The following FBXL7 variants were observed in gnomAD, a reference collection of about 807,000 sequenced individuals.
FBXL7 encodes the protein F-box/LRR-repeat protein 7.
FBXL7 carries 12 observed loss-of-function variants against 38.3 expected under a neutral mutation model. The observed-to-expected ratio is 0.31, with a 90% CI of 0.20 to 0.51. FBXL7 has a LOEUF of 0.51. Among genes scored for constraint, FBXL7 ranks in the 20% least tolerant of loss-of-function variants. FBXL7 has a pLI of 0.98. For synonymous variants in FBXL7, 297 were observed against 300.9 expected (o/e 0.99, Z 0.13); for missense variants, 567 against 676.4 (o/e 0.84, Z 1.79).
rs556962838 is a variant in FBXL7 at position 15,799,037 on chromosome 5, C to T, written c.128-128853C>T. On this transcript the variant is annotated intron_variant, in intron 2 of 3. Transcript: ENST00000504595. The stretch of plus-strand genomic sequence containing the variant: ...ACACATTTTTCTATGTACTGACAAC[C>T]AAGAAATAAGTTGTAAATGGGTGGC... 2.4e-4 allele frequency among the ~76,000 whole-genome samples: 37 copies of T among 152,270 alleles called. 1 individual carries two copies. In the South Asian group the frequency reaches 7.7e-3, roughly 32 times the overall value.
rs114221872 is a variant in FBXL7 at position 15,582,732 on chromosome 5, A to G, written c.38-33251A>G. Among the ~76,000 whole-genome samples the G allele has an allele frequency of 3.7e-3, 557 of 152,358 alleles. 2 individuals carry two copies. Among genetic ancestry groups the G allele is most frequent in the Non-Finnish European group, 6.0e-3 (410 of 68,034 alleles). On this transcript the variant is annotated intron_variant, in intron 1 of 3. Coordinates refer to ENST00000504595, the MANE Select transcript of FBXL7 (RefSeq NM_012304.5). Reference sequence around the variant, plus strand: ...GAAAGACTCTGCTGCGTTTACATTCAATACATGATGTGCAATTGCCCTTCA... The same window carrying G: ...GAAAGACTCTGCTGCGTTTACATTCGATACATGATGTGCAATTGCCCTTCA...
chr5:15,704,967 T>TAAAAAAA (rs5866158), intron 2 of FBXL7, among the ~76,000 whole-genome samples: 2 of 147,510 alleles, frequency 1.4e-5, no homozygotes, highest in South Asian at 4.2e-4. Flanking sequence ...ATGGGCTAGG[T>TAAAAAAA]AAAAAAAAAA....
At chr5:15,583,777 T>G (rs961237611) in intron 1 of FBXL7, among the ~76,000 whole-genome samples, 1 of 152,126 alleles carries the variant, frequency 6.6e-6, no homozygotes, top group Admixed American at 6.5e-5. Flanking sequence ...CTCTGGAGGA[T>G]GATGGTCCTC....
rs372843746 is a variant in FBXL7 at position 15,707,700 on chromosome 5, C to A, written c.127+91628C>A. On this transcript the variant is annotated intron_variant, in intron 2 of 3. Coordinates refer to ENST00000504595, the MANE Select transcript of FBXL7 (RefSeq NM_012304.5). The stretch of plus-strand genomic sequence containing the variant: ...GAATGTCCTGCAGAGGATAGGAGGG[C>A]AGGGTGCAAACCACAGGGAGGTTTT... 1.6e-4 allele frequency among the ~76,000 whole-genome samples: 25 copies of A among 152,322 alleles called. No individual in the cohort carries two copies. The East Asian group carries it at 3.3e-3, about 20-fold the overall frequency.
chr5:15,595,655 G>A (rs747598333), intron 1 of FBXL7, among the ~76,000 whole-genome samples: 43 of 152,090 alleles, frequency 2.8e-4, no homozygotes, highest in Non-Finnish European at 4.4e-4. Flanking sequence ...TAGAAAATCT[G>A]GGATACCATT....
At position 15,705,294 on chromosome 5, in the gene FBXL7, C is replaced by G. The variant is rs151008399; in HGVS notation, c.127+89222C>G. Among the ~76,000 whole-genome samples the G allele has an allele frequency of 2.3e-3, 354 of 152,288 alleles. 3 individuals are homozygous for G. The highest frequency in any genetic ancestry group is 8.2e-3 in the African/African-American group (339 of 41,552). ...TTGTTTACTGTTATATCCCTTTTGTCTACAACAGTGCTTGGCACGTAAGCA... is the reference window on the plus strand; with the variant it reads ...TTGTTTACTGTTATATCCCTTTTGTGTACAACAGTGCTTGGCACGTAAGCA... On this transcript the variant is annotated intron_variant, in intron 2 of 3. Coordinates refer to ENST00000504595, the MANE Select transcript of FBXL7 (RefSeq NM_012304.5).
At position 15,760,216 on chromosome 5, in the gene FBXL7, C is replaced by T. The variant is rs995592669; in HGVS notation, c.127+144144C>T. On this transcript the variant is annotated intron_variant, in intron 2 of 3. Transcript: ENST00000504595. ...TAAATTGTCTGGAGAGTTTTATACC[C>T]ATTGTGCACACCTACAAAGCATGCA... is the stretch of plus-strand genomic sequence containing the variant. Among the ~76,000 whole-genome samples the T allele has an allele frequency of 2.6e-5, 4 of 152,172 alleles. No individual in the cohort carries two copies. The East Asian group carries it at 7.7e-4, about 29-fold the overall frequency.
chr5:15,643,076 A>G (rs1276100017), intron 2 of FBXL7, among the ~76,000 whole-genome samples: 3 of 152,180 alleles, frequency 2.0e-5, no homozygotes, highest in African/African-American at 7.2e-5. Context: ...GCATAATGCC[A>G]TGAGCAGCCA....
intron 2 of FBXL7, among the ~76,000 whole-genome samples, chr5:15,853,665 G>A (rs1739168549): frequency 6.6e-6 from 1 of 152,176 alleles, no homozygotes; most frequent in African/African-American, 2.4e-5. Context: ...GTGGATGCAT[G>A]CTCTGACTTG....
chr5:15,671,166 T>G (rs1417078556), intron 2 of FBXL7, among the ~76,000 whole-genome samples: 2 of 152,200 alleles, frequency 1.3e-5, no homozygotes, highest in Non-Finnish European at 2.9e-5. Flanking sequence ...ACTTTTGTAG[T>G]GGGAAGAATG....
At chr5:15,863,185 G>T (rs1049408735) in intron 2 of FBXL7, among the ~76,000 whole-genome samples, 1 of 152,180 alleles carries the variant, frequency 6.6e-6, no homozygotes, top group Non-Finnish European at 1.5e-5. Flanking sequence ...TTGCTCTCTA[G>T]TGCAGGTAGC....
At position 15,768,236 on chromosome 5, in the gene FBXL7, A is replaced by T. The variant is rs185608792; in HGVS notation, c.127+152164A>T. ...AGGTAGATACCTATCATTTGCCTAA[A>T]CAGTAACATTGCTGGCTGGGCACGG... On this transcript the variant is annotated intron_variant, in intron 2 of 3. Transcript: ENST00000504595. 7.2e-5 allele frequency among the ~76,000 whole-genome samples: 11 copies of T among 152,282 alleles called. No homozygotes were observed. In the East Asian group the frequency reaches 2.1e-3, roughly 29 times the overall value.
At chr5:15,771,959 C>T (rs905606158) in intron 2 of FBXL7, among the ~76,000 whole-genome samples, 6 of 151,520 alleles carry the variant, frequency 4.0e-5, no homozygotes, top group South Asian at 2.1e-4. Flanking sequence ...TTAGTAGAGA[C>T]GAAGATTCAC....
chr5:15,761,687 G>C (rs1387404133), intron 2 of FBXL7, among the ~76,000 whole-genome samples: 1 of 152,092 alleles, frequency 6.6e-6, no homozygotes, highest in African/African-American at 2.4e-5. Flanking sequence ...GGGACTGTAG[G>C]TGTACTCCAC....
intron 2 of FBXL7, among the ~76,000 whole-genome samples, chr5:15,741,777 T>G (rs1218101738): frequency 6.6e-6 from 1 of 151,990 alleles, no homozygotes; most frequent in Non-Finnish European, 1.5e-5. Context: ...TTTAAAAATG[T>G]AGAAAGAAGT....
intron 1 of FBXL7, 29 bp from the exon 2 acceptor site, chr5:15,615,954 C>T: frequency 6.4e-7 from 1 of 1,554,400 alleles, no homozygotes; most frequent in Non-Finnish European, 8.9e-7. Flanking sequence ...TTACAAATCT[C>T]AAAAGCTGCT....
At chr5:15,849,407 A>G (rs572943088) in intron 2 of FBXL7, among the ~76,000 whole-genome samples, 2 of 152,322 alleles carry the variant, frequency 1.3e-5, no homozygotes, top group South Asian at 4.1e-4. Context: ...CTTGAATTTT[A>G]GCTCCCATAA....
At chr5:15,601,646 CTT>C (rs1333262527) in intron 1 of FBXL7, among the ~76,000 whole-genome samples, 2 of 152,304 alleles carry the variant, frequency 1.3e-5, no homozygotes, top group African/African-American at 2.4e-5. Context: ...CTGGGGGACT[CTT>C]TGAGATTTCT....
chr5:15,503,920 C>T (rs1034389686), intron 1 of FBXL7, among the ~76,000 whole-genome samples: 2 of 152,222 alleles, frequency 1.3e-5, no homozygotes, highest in African/African-American at 4.8e-5. Context: ...TTGGTAATCT[C>T]ATTATCTTCT....
Sources: allele counts gnomAD v4.1 joint callset (sites outside exome capture counted in the v4.1 genomes callset), GRCh38; gene constraint gnomAD v4.1.1; transcripts MANE v1.5; gene names NCBI Gene and HGNC (gene_info 2026-07-23, HGNC 2026-07-21).